The following CLIC5 variants were observed in gnomAD, a reference collection of about 807,000 sequenced individuals.
The protein encoded by CLIC5 is CLIC family member 5, also known as chloride intracellular channel protein 5.
In CLIC5, 20 loss-of-function variants were observed where a neutral mutation model predicts 24.7. The ratio of observed to expected loss-of-function variants is 0.81; its 90% confidence interval spans 0.57 to 1.18. The LOEUF (loss-of-function observed/expected upper bound fraction) is 1.18, where lower values mean the gene tolerates loss of function less well. CLIC5 is among the 50% of genes most tolerant of loss of function. The pLI is 0.00. For synonymous variants in CLIC5, 159 were observed against 135.6 expected (o/e 1.17, Z -1.20); for missense variants, 341 against 326.1 (o/e 1.05, Z -0.35).
chr6:46,126,351 G>T, the CLIC5 span, among the ~76,000 whole-genome samples: 1 of 152,118 alleles, frequency 6.6e-6, no homozygotes, highest in Admixed American at 6.6e-5. Context: ...TGTATCTTTT[G>T]AAAAATTGAG....
intron 1 of CLIC5, among the ~76,000 whole-genome samples, chr6:45,981,997 CAAAAAAAAAAAAGA>C (rs1228814703): frequency 7.5e-6 from 1 of 133,638 alleles, no homozygotes; most frequent in Non-Finnish European, 1.6e-5. Context: ...GACTCCATCT[CAAAAAAAAAAAAGA>C]AAAAAAGAAA....
At chr6:45,883,208 A>G (rs1762277537) in intron 6 of CLIC5, among the ~76,000 whole-genome samples, 1 of 152,232 alleles carries the variant, frequency 6.6e-6, no homozygotes, top group African/African-American at 2.4e-5. Flanking sequence ...GCATTGAGAA[A>G]CATTACCTGC....
chr6:46,001,177 A>C (rs1766342379), intron 1 of CLIC5, among the ~76,000 whole-genome samples: 4 of 152,078 alleles, frequency 2.6e-5, no homozygotes, highest in Admixed American at 2.6e-4. Flanking sequence ...GAACCAGAAG[A>C]GATAGTCCAT....
intron 2 of CLIC5, among the ~76,000 whole-genome samples, chr6:45,952,910 G>T (rs1041633143): frequency 6.6e-6 from 1 of 152,168 alleles, no homozygotes; most frequent in Admixed American, 6.5e-5. Flanking sequence ...AGTTATCACA[G>T]ACATTAATTG....
At chr6:46,058,106 T>C (rs919575029) in intron 1 of CLIC5, among the ~76,000 whole-genome samples, 12 of 151,750 alleles carry the variant, frequency 7.9e-5, no homozygotes, top group East Asian at 3.9e-4. Flanking sequence ...TTTGTCTGGA[T>C]ATGTCTCTTC....
the CLIC5 span, among the ~76,000 whole-genome samples, chr6:46,127,162 C>T: frequency 2.6e-5 from 4 of 152,116 alleles, no homozygotes; most frequent in East Asian, 1.9e-4. Context: ...ATGCATTGAA[C>T]GTGTAACAAT....
At chr6:46,043,939 C>T (rs77135977) in intron 1 of CLIC5, among the ~76,000 whole-genome samples, 1,801 of 152,310 alleles carry the variant, frequency 0.012, 28 homozygotes, top group African/African-American at 0.039. Flanking sequence ...TGCCAGTCAG[C>T]CTGCTGTGTG....
intron 1 of CLIC5, among the ~76,000 whole-genome samples, chr6:46,048,089 A>G (rs976909319): frequency 6.7e-6 from 1 of 149,420 alleles, no homozygotes; most frequent in Non-Finnish European, 1.5e-5. Flanking sequence ...TGCAACCTCT[A>G]CATCCCTGGT....
At chr6:46,101,098 C>T in the CLIC5 span, among the ~76,000 whole-genome samples, 1 of 152,196 alleles carries the variant, frequency 6.6e-6, no homozygotes, top group African/African-American at 2.4e-5. Flanking sequence ...GACCTGGGGT[C>T]TGCATGTACC....
intron 1 of CLIC5, among the ~76,000 whole-genome samples, chr6:46,050,531 G>C (rs959446399): frequency 1.3e-5 from 2 of 152,184 alleles, no homozygotes; most frequent in African/African-American, 4.8e-5. Context: ...TCTTAGGGCA[G>C]AGTTACTAAC....
At chr6:45,919,633 G>A (rs1437403563) in intron 4 of CLIC5, among the ~76,000 whole-genome samples, 1 of 152,190 alleles carries the variant, frequency 6.6e-6, no homozygotes, top group Non-Finnish European at 1.5e-5. Flanking sequence ...CAGTACAACT[G>A]TTTCTACTCT....
At chr6:45,943,277 G>A (rs545712986) in intron 3 of CLIC5, among the ~76,000 whole-genome samples, 1 of 152,332 alleles carries the variant, frequency 6.6e-6, no homozygotes, top group South Asian at 2.1e-4. Context: ...CTCCGCTGTT[G>A]ATTCTCAAAG....
chr6:46,126,638 CT>C, the CLIC5 span, among the ~76,000 whole-genome samples: 1 of 152,162 alleles, frequency 6.6e-6, no homozygotes, highest in Admixed American at 6.5e-5. Context: ...TCATAAGGTC[CT>C]TTTCCCCTGT....
At chr6:45,992,596 T>A (rs1765981865) in intron 1 of CLIC5, among the ~76,000 whole-genome samples, 1 of 152,192 alleles carries the variant, frequency 6.6e-6, no homozygotes. Flanking sequence ...ATGCATCATA[T>A]GCATGGGTGG....
intron 1 of CLIC5, among the ~76,000 whole-genome samples, chr6:46,004,138 G>A (rs1251458045): frequency 6.6e-6 from 1 of 152,230 alleles, no homozygotes; most frequent in Non-Finnish European, 1.5e-5. Context: ...GGGAATCGAT[G>A]TCATACAGGA....
chr6:46,065,175 G>A (rs1022682041), intron 1 of CLIC5, among the ~76,000 whole-genome samples: 4 of 152,072 alleles, frequency 2.6e-5, no homozygotes, highest in African/African-American at 9.7e-5. Flanking sequence ...AAGATGCTCA[G>A]CCTAATTAGT....
chr6:45,919,309 G>T (rs561463286), intron 4 of CLIC5, among the ~76,000 whole-genome samples: 9 of 152,252 alleles, frequency 5.9e-5, no homozygotes, highest in African/African-American at 1.9e-4. Flanking sequence ...ATCTATGGGT[G>T]GAAGGCTTTG....
At chr6:45,950,565 G>A (rs577861872) in intron 2 of CLIC5, among the ~76,000 whole-genome samples, 4 of 152,002 alleles carry the variant, frequency 2.6e-5, no homozygotes, top group Non-Finnish European at 4.4e-5. Context: ...AGTGAGACTC[G>A]GTCTCAAAAC....
chr6:45,906,294 G>A (rs914143068), intron 5 of CLIC5, among the ~76,000 whole-genome samples: 1 of 152,108 alleles, frequency 6.6e-6, no homozygotes, highest in Non-Finnish European at 1.5e-5. Flanking sequence ...TCTGCATATT[G>A]CTTTGGACAG....
Sources: allele counts gnomAD v4.1 joint callset (sites outside exome capture counted in the v4.1 genomes callset), GRCh38; gene constraint gnomAD v4.1.1; transcripts MANE v1.5; gene names NCBI Gene and HGNC (gene_info 2026-07-23, HGNC 2026-07-21).